Variants in FMN1 observed in about 807,000 individuals in gnomAD.
The protein encoded by FMN1 is formin 1.
FMN1 carries 110 observed loss-of-function variants against 132.4 expected under a neutral mutation model. The ratio of observed to expected loss-of-function variants is 0.83; its 90% CI spans 0.71 to 0.97. The LOEUF is 0.97. Ranked by LOEUF, FMN1 falls within the 50% of genes least tolerant of loss-of-function variation. The pLI, the probability that FMN1 is intolerant of heterozygous loss-of-function variation, is 0.00. For synonymous variants in FMN1, 722 were observed against 651.7 expected, an observed-to-expected ratio of 1.11 and a Z score of -1.64; for missense variants, 1,792 against 1,705.3, an observed-to-expected ratio of 1.05 and a Z score of -0.90.
At chr15:33,089,688 G>C (rs913254165) in intron 4 of FMN1, among the ~76,000 whole-genome samples, 1 of 152,182 alleles carries the variant, frequency 6.6e-6, no homozygotes, top group Non-Finnish European at 1.5e-5. Flanking sequence ...GAAGTACAAA[G>C]AAGTTAAGCA....
chr15:33,089,337 C>T (rs2038821851), intron 4 of FMN1, among the ~76,000 whole-genome samples: 1 of 152,180 alleles, frequency 6.6e-6, no homozygotes, highest in Non-Finnish European at 1.5e-5. Flanking sequence ...ACAGCGTCAT[C>T]TGAGCCAAGT....
Position 32,774,285 on chromosome 15 carries a change from G to GC in FMN1, c.*24dup, listed in dbSNP as rs751429560. On this transcript the variant is annotated 3_prime_UTR_variant, in exon 21 of 21. Transcript: ENST00000616417. ...GCGTGCAAGGTCCTCCACCTCCAGT[G>GC]CCATCATTTCCATGTGTCTTCATCT... The GC allele has an allele frequency of 6.9e-6, 11 of 1,583,554 alleles. No homozygotes were observed. The highest frequency in any genetic ancestry group is 9.5e-6 in the Non-Finnish European group (11 of 1,157,838).
chr15:32,866,227 T>TAA (rs761408599), intron 16 of FMN1, among the ~76,000 whole-genome samples: 53 of 92,336 alleles, frequency 5.7e-4, no homozygotes, highest in African/African-American at 2.6e-3. Context: ...TAAAGTATAA[T>TAA]AAAAAAAAAG....
chr15:32,889,978 C>T (rs1020727916), intron 15 of FMN1, among the ~76,000 whole-genome samples: 1 of 152,190 alleles, frequency 6.6e-6, no homozygotes, highest in African/African-American at 2.4e-5. Context: ...TATGCCTTTG[C>T]ATCCTCATAG....
At chr15:32,956,568 C>T (rs918114102) in intron 9 of FMN1, among the ~76,000 whole-genome samples, 9 of 151,986 alleles carry the variant, frequency 5.9e-5, no homozygotes, top group African/African-American at 1.2e-4. Context: ...CTCAAGAAAT[C>T]GGGACAGAGC....
chr15:32,774,160 G>C lies in FMN1; in HGVS notation c.*150C>G. 1 of 662,866 alleles carries C rather than the reference G, an allele frequency of 1.5e-6. No homozygotes were observed. Among genetic ancestry groups the C allele is most frequent in the Non-Finnish European group, 2.7e-6 (1 of 374,310 alleles). The allele number at this position is 662,866 out of a possible 1,614,324, so 41.1% of individuals were successfully genotyped here. On this transcript the variant is annotated 3_prime_UTR_variant, in exon 21 of 21. Coordinates refer to ENST00000616417, the MANE Select transcript of FMN1 (RefSeq NM_001277313.2). ...AGGGACTTCTTAAAGAAGGCATGGG[G>C]CACTCTCTGCAGATGACCTCAGAAA...
chr15:33,041,142 A>G (rs1596532993), intron 6 of FMN1, among the ~76,000 whole-genome samples: 1 of 24,046 alleles, frequency 4.2e-5, no homozygotes, highest in East Asian at 3.6e-4. Context: ...AAACAGATTG[A>G]AAAAAAAAAA....
At chr15:32,785,621 G>A (rs929700384) in intron 19 of FMN1, among the ~76,000 whole-genome samples, 2 of 151,994 alleles carry the variant, frequency 1.3e-5, no homozygotes, top group Non-Finnish European at 2.9e-5. Flanking sequence ...AATACTATCA[G>A]GGCATTTTTG....
At chr15:33,100,176 T>C (rs1480000284) in intron 4 of FMN1, among the ~76,000 whole-genome samples, 6 of 146,224 alleles carry the variant, frequency 4.1e-5, no homozygotes, top group African/African-American at 1.5e-4. Context: ...ATCTTTTTGG[T>C]AGAATAGAAT....
intron 4 of FMN1, among the ~76,000 whole-genome samples, chr15:33,126,599 G>A (rs1220490754): frequency 2.2e-5 from 3 of 139,182 alleles, no homozygotes; most frequent in Admixed American, 1.5e-4. Context: ...CAATAGACCA[G>A]AAAGAAGAAA....
intron 9 of FMN1, among the ~76,000 whole-genome samples, chr15:32,940,690 T>C (rs2140438602): frequency 6.6e-6 from 1 of 152,082 alleles, no homozygotes; most frequent in South Asian, 2.1e-4. Flanking sequence ...GAAACAAAAA[T>C]CCAGATCTCA....
chr15:33,018,853 A>G (rs553576548), intron 6 of FMN1, among the ~76,000 whole-genome samples: 1 of 152,052 alleles, frequency 6.6e-6, no homozygotes, highest in South Asian at 2.1e-4. Flanking sequence ...TACAGCTCTT[A>G]AGGCAGCACG....
At chr15:32,954,988 A>T (rs180936483) in intron 9 of FMN1, among the ~76,000 whole-genome samples, 117 of 152,320 alleles carry the variant, frequency 7.7e-4, no homozygotes, top group Admixed American at 2.7e-3. Flanking sequence ...GTCTCAAAAC[A>T]AACAAAAAAA....
chr15:33,007,540 C>T (rs912679874), intron 7 of FMN1, among the ~76,000 whole-genome samples: 1 of 152,086 alleles, frequency 6.6e-6, no homozygotes, highest in Admixed American at 6.6e-5. Flanking sequence ...TCTGAGGATA[C>T]GGAAGGGCTC....
chr15:32,973,316 T>C (rs1448067480), intron 7 of FMN1, among the ~76,000 whole-genome samples: 1 of 152,182 alleles, frequency 6.6e-6, no homozygotes, highest in African/African-American at 2.4e-5. Context: ...AACAGGTCCA[T>C]GCTCTTTCAT....
chr15:33,177,808 C>G (rs988652128), intron 3 of FMN1, among the ~76,000 whole-genome samples: 2 of 152,054 alleles, frequency 1.3e-5, no homozygotes, highest in African/African-American at 4.8e-5. Context: ...AGTTCGAGAC[C>G]AGCCAGACCA....
At chr15:32,973,462 T>C (rs981060972) in intron 7 of FMN1, among the ~76,000 whole-genome samples, 7 of 152,174 alleles carry the variant, frequency 4.6e-5, no homozygotes, top group Non-Finnish European at 7.3e-5. Flanking sequence ...ATATGGAGAA[T>C]GACCAAATAA....
At chr15:32,798,986 T>G in intron 18 of FMN1, 33 bp from the exon 19 acceptor site, 1 of 1,598,604 alleles carries the variant, frequency 6.3e-7, no homozygotes, top group African/African-American at 1.3e-5. Context: ...TGGAATGAGG[T>G]AGAGGTGAGA....
intron 4 of FMN1, among the ~76,000 whole-genome samples, chr15:33,146,041 T>A (rs1458056043): frequency 1.3e-5 from 2 of 151,138 alleles, no homozygotes; most frequent in African/African-American, 4.9e-5. Context: ...AGTGGTGCAA[T>A]CTCGGCTCAC....
Sources: gnomAD v4.1 joint callset for allele counts (sites outside exome capture counted in the v4.1 genomes callset) on GRCh38, gnomAD v4.1.1 for gene constraint, MANE v1.5 for transcripts, NCBI Gene and HGNC (gene_info 2026-07-23, HGNC 2026-07-21) for gene names.